Variants in ESR1 observed in about 807,000 individuals in gnomAD.
The protein encoded by ESR1 is estrogen receptor 1.
A neutral mutation model predicts 52.7 loss-of-function variants in ESR1; 12 were observed. The ratio of observed to expected loss-of-function variants is 0.23; its 90% CI spans 0.15 to 0.37. The LOEUF (loss-of-function observed/expected upper bound fraction) is 0.37. Ranked by LOEUF, ESR1 falls within the 10% of genes least tolerant of loss-of-function variation. ESR1 has a pLI of 1.00. For missense variants in ESR1, 584 were observed against 779.7 expected, an observed-to-expected ratio of 0.75 and a Z score of 2.99; for synonymous variants, 305 against 316.8, an observed-to-expected ratio of 0.96 and a Z score of 0.39.
intron 2 of ESR1, among the ~76,000 whole-genome samples, chr6:151,712,888 G>A (rs1582983299): frequency 6.6e-6 from 1 of 152,280 alleles, no homozygotes; most frequent in East Asian, 1.9e-4. Flanking sequence ...AATAGGAGTG[G>A]TGAAAGAGGA....
At chr6:152,001,971 AGGGCTT>A (rs2041982826) in intron 4 of ESR1, among the ~76,000 whole-genome samples, 1 of 151,976 alleles carries the variant, frequency 6.6e-6, no homozygotes, top group East Asian at 1.9e-4. Flanking sequence ...ATGGAGCCAT[AGGGCTT>A]TTCTCTGGCT....
chr6:151,933,706 A>G lies in ESR1; in HGVS notation c.761-10467A>G, dbSNP rs545980909. ...TCAAAGGCTTTTTCTGCATCTATTG[A>G]GATAATCATGTGGTTTTTGTCTTTG... On this transcript the variant is annotated intron_variant, in intron 3 of 7. Transcript: ENST00000206249. 1.4e-4 allele frequency among the ~76,000 whole-genome samples: 22 copies of G among 152,310 alleles called. No individual in the cohort carries two copies. In the South Asian group the frequency reaches 4.6e-3, roughly 32 times the overall value.
intron 2 of ESR1, among the ~76,000 whole-genome samples, chr6:151,845,759 G>A (rs754897912): frequency 1.3e-5 from 2 of 152,114 alleles, no homozygotes; most frequent in South Asian, 2.1e-4. Context: ...GATAAATATT[G>A]AGTCCAAAGT....
At chr6:151,929,666 G>T (rs1420638505) in intron 3 of ESR1, among the ~76,000 whole-genome samples, 2 of 152,026 alleles carry the variant, frequency 1.3e-5, no homozygotes, top group Non-Finnish European at 2.9e-5. Context: ...AAATAAATTA[G>T]CTGGGTGTGG....
intron 4 of ESR1, among the ~76,000 whole-genome samples, chr6:151,979,206 C>T (rs2039750795): frequency 1.3e-5 from 2 of 151,950 alleles, no homozygotes. Context: ...AAATACGGTC[C>T]CATTTTGAGG....
chr6:151,734,429 G>T (rs781098506), intron 2 of ESR1, among the ~76,000 whole-genome samples: 1 of 152,054 alleles, frequency 6.6e-6, no homozygotes, highest in Non-Finnish European at 1.5e-5. Context: ...CACCTCAGTT[G>T]CTATAAAATA....
chr6:151,991,133 C>T (rs2040971400), intron 4 of ESR1, among the ~76,000 whole-genome samples: 1 of 152,126 alleles, frequency 6.6e-6, no homozygotes. Context: ...GCCCATTTCA[C>T]TTGGCTCTGT....
At chr6:151,960,975 A>G (rs1248482601) in intron 4 of ESR1, among the ~76,000 whole-genome samples, 1 of 152,218 alleles carries the variant, frequency 6.6e-6, no homozygotes, top group Admixed American at 6.5e-5. Context: ...TGTCCTGAAC[A>G]ATGATAAAAG....
chr6:152,117,324 G>A (rs1291705331), intron 6 of ESR1, among the ~76,000 whole-genome samples: 1 of 152,198 alleles, frequency 6.6e-6, no homozygotes, highest in East Asian at 1.9e-4. Context: ...CCAAGAATGT[G>A]TCCGGCAGGA....
At chr6:151,884,431 A>G (rs1417336732) in intron 3 of ESR1, among the ~76,000 whole-genome samples, 1 of 152,264 alleles carries the variant, frequency 6.6e-6, no homozygotes, top group Non-Finnish European at 1.5e-5. Context: ...TAGGGTTCAC[A>G]ACAATCCACT....
intron 6 of ESR1, among the ~76,000 whole-genome samples, chr6:152,112,521 G>GA (rs1318404437): frequency 6.6e-6 from 1 of 152,136 alleles, no homozygotes; most frequent in Non-Finnish European, 1.5e-5. Flanking sequence ...ATGCCCCCGG[G>GA]ATCCCATCAA....
intron 3 of ESR1, among the ~76,000 whole-genome samples, chr6:151,929,039 G>A (rs748586113): frequency 6.6e-6 from 1 of 152,154 alleles, no homozygotes; most frequent in East Asian, 1.9e-4. Context: ...GTTGTGGTTT[G>A]ATGGAGTATT....
intron 6 of ESR1, among the ~76,000 whole-genome samples, chr6:152,073,769 A>G (rs2128992251): frequency 6.6e-6 from 1 of 152,128 alleles, no homozygotes; most frequent in South Asian, 2.1e-4. Context: ...TTATTTACCA[A>G]CTGGCCGACC....
chr6:152,091,642 C>T (rs1194576324), intron 6 of ESR1, among the ~76,000 whole-genome samples: 5 of 152,064 alleles, frequency 3.3e-5, no homozygotes, highest in Non-Finnish European at 7.4e-5. Flanking sequence ...AAAGTCACTC[C>T]CCAGAGGCCG....
At chr6:152,072,444 T>C (rs1333793263) in intron 6 of ESR1, among the ~76,000 whole-genome samples, 1 of 152,242 alleles carries the variant, frequency 6.6e-6, no homozygotes, top group East Asian at 1.9e-4. Flanking sequence ...GGACAACCTC[T>C]TCCAAAGACT....
chr6:151,759,556 G>C (rs1281842666), intron 2 of ESR1, among the ~76,000 whole-genome samples: 2 of 152,142 alleles, frequency 1.3e-5, no homozygotes, highest in East Asian at 1.9e-4. Flanking sequence ...AAAATAATTA[G>C]AGGCTCTTTA....
intron 5 of ESR1, among the ~76,000 whole-genome samples, chr6:152,020,351 A>G (rs1370554803): frequency 6.6e-6 from 1 of 152,206 alleles, no homozygotes; most frequent in Non-Finnish European, 1.5e-5. Context: ...CTATCAAGGT[A>G]GATGAGCCCA....
chr6:152,043,545 G>A (rs1230363260), intron 5 of ESR1, among the ~76,000 whole-genome samples: 1 of 152,202 alleles, frequency 6.6e-6, no homozygotes, highest in East Asian at 1.9e-4. Flanking sequence ...TAAGCAAACA[G>A]GGGTATTGAG....
intron 4 of ESR1, among the ~76,000 whole-genome samples, chr6:152,002,222 G>GTGTGTGTGTGTGT (rs1562654907): frequency 2.7e-5 from 4 of 148,630 alleles, no homozygotes; most frequent in African/African-American, 2.5e-5. Context: ...GTGTGTGTGT[G>GTGTGTGTGTGTGT]GAATATCTCA....
Sources: allele counts gnomAD v4.1 joint callset (sites outside exome capture counted in the v4.1 genomes callset), GRCh38; gene constraint gnomAD v4.1.1; transcripts MANE v1.5; gene names NCBI Gene and HGNC (gene_info 2026-07-23, HGNC 2026-07-21).